Variants in WNT7A observed in about 807,000 individuals in gnomAD.
WNT7A encodes Wnt family member 7A.
In WNT7A, 16 loss-of-function variants were observed where a neutral mutation model predicts 28.2. The ratio of observed to expected loss-of-function variants is 0.57; its 90% CI spans 0.38 to 0.86. The LOEUF is 0.86. WNT7A is among the 40% of genes least tolerant of loss of function. The probability of loss-of-function intolerance (pLI) is 0.00; values close to 1 mark genes in which losing one functional copy is unlikely to be tolerated. For synonymous variants in WNT7A, 190 were observed against 195.9 expected, an observed-to-expected ratio of 0.97 and a Z score of 0.25; for missense variants, 411 against 489.7, an observed-to-expected ratio of 0.84 and a Z score of 1.52.
At chr3:13,873,361 C>A (rs181134694) in intron 2 of WNT7A, among the ~76,000 whole-genome samples, 1 of 151,894 alleles carries the variant, frequency 6.6e-6, no homozygotes, top group Non-Finnish European at 1.5e-5. Flanking sequence ...TCATTTGGGT[C>A]ACTGGTTGCT....
chr3:13,819,131 C>G lies in WNT7A; in HGVS notation c.863G>C (p.Gly288Ala). 6.2e-7 allele frequency: 1 copy of G among 1,614,176 alleles called. No individual in the cohort carries two copies. Among genetic ancestry groups the G allele is most frequent in the Non-Finnish European group, 8.5e-7 (1 of 1,180,040 alleles). ...CTTGTTGCAGGCGCGGCCCTGGGTG[C>G]CCACACTGCCGGTCACCGGGTCCTC... The part of the protein sequence containing the change: ...CEEDPVTGSV[G>A]TQGRACNKTA... Residue 288 changes from glycine to alanine, a missense_variant, in exon 4 of 4, where the codon GGC becomes GCC. Coordinates refer to ENST00000285018, the MANE Select transcript of WNT7A (RefSeq NM_004625.4).
In WNT7A at chr3:13,843,664, G is replaced by A. The variant is rs78090962; in HGVS notation, c.570+10868C>T. On this transcript the variant is annotated intron_variant, in intron 3 of 3. Transcript: ENST00000285018. Reference sequence around the variant, plus strand: ...TACACTGCTCACCTGGAGGAAAGCTGTGAGACTTGGCCAGGAAAAGATGTT... The same window carrying A: ...TACACTGCTCACCTGGAGGAAAGCTATGAGACTTGGCCAGGAAAAGATGTT... Among the ~76,000 whole-genome samples, 41 of 151,092 alleles carry A rather than the reference G, an allele frequency of 2.7e-4. No homozygotes were observed. The East Asian group carries it at 7.8e-3, about 29-fold the overall frequency.
chr3:13,843,028 G>A (rs1694486061), intron 3 of WNT7A, among the ~76,000 whole-genome samples: 1 of 152,132 alleles, frequency 6.6e-6, no homozygotes, highest in South Asian at 2.1e-4. Context: ...GATAAAGGAG[G>A]ACCAGCGTGG....
chr3:13,839,552 G>T (rs1239424774), intron 3 of WNT7A, among the ~76,000 whole-genome samples: 4 of 152,208 alleles, frequency 2.6e-5, no homozygotes, highest in Admixed American at 6.5e-5. Context: ...GCTTAGCAAT[G>T]AACGCTATCA....
At chr3:13,877,199 C>G (rs1302285157) in intron 1 of WNT7A, 3 of 152,262 alleles carry the variant, frequency 2.0e-5, no homozygotes, top group African/African-American at 7.2e-5. Flanking sequence ...CTGCCACAAA[C>G]AGCAGCTCAT....
At chr3:13,851,802 A>G (rs1329974996) in intron 3 of WNT7A, among the ~76,000 whole-genome samples, 1 of 152,308 alleles carries the variant, frequency 6.6e-6, no homozygotes, top group South Asian at 2.1e-4. Flanking sequence ...GATTCCACAC[A>G]TCATACGCTA....
At position 13,818,368 on chromosome 3, in the gene WNT7A, A is replaced by AAAAAAAAAAAAAAAAAAAAAG. The variant is rs1575056906; in HGVS notation, c.*575_*576insCTTTTTTTTTTTTTTTTTTTT. 2.7e-5 allele frequency: 4 copies of AAAAAAAAAAAAAAAAAAAAAG among 150,044 alleles called. No homozygotes were observed. Among genetic ancestry groups the AAAAAAAAAAAAAAAAAAAAAG allele is most frequent in the African/African-American group, 9.9e-5 (4 of 40,606 alleles). 9.3% of individuals were successfully genotyped at this position (150,044 alleles called of 1,614,324 possible). ...GCAAACAGCAAAAAAAAAAAAAAAAATGTGTGTGTGTATATCTATATATGC... is the reference window on the plus strand; with the variant it reads ...GCAAACAGCAAAAAAAAAAAAAAAAAAAAAAAAAAAAAAAAAAAAAGTGTGTGTGTGTATATCTATATATGC... On this transcript the variant is annotated 3_prime_UTR_variant, in exon 4 of 4. Transcript: ENST00000285018.
At chr3:13,825,143 G>C (rs1694173963) in intron 3 of WNT7A, among the ~76,000 whole-genome samples, 2 of 152,240 alleles carry the variant, frequency 1.3e-5, no homozygotes, top group Admixed American at 1.3e-4. Flanking sequence ...AAGAGCAGCT[G>C]TCTCTGGGGA....
chr3:13,860,678 G>A (rs1202529390), intron 2 of WNT7A, among the ~76,000 whole-genome samples: 5 of 152,134 alleles, frequency 3.3e-5, no homozygotes, highest in African/African-American at 4.8e-5. Flanking sequence ...GTCACCTGCT[G>A]TGCCTAACCA....
Position 13,825,039 on chromosome 3 carries a change from C to T in WNT7A, c.571-5616G>A, listed in dbSNP as rs546002432. Reference sequence around the variant, plus strand: ...GCAAAGCAAGGTGTAGAAAGGCTTGCAGCTTGGGAGCTTGTTTGTATGAGA... The same window carrying T: ...GCAAAGCAAGGTGTAGAAAGGCTTGTAGCTTGGGAGCTTGTTTGTATGAGA... On this transcript the variant is annotated intron_variant, in intron 3 of 3. Coordinates refer to ENST00000285018, the MANE Select transcript of WNT7A (RefSeq NM_004625.4). Among the ~76,000 whole-genome samples the T allele has an allele frequency of 2.0e-5, 3 of 152,276 alleles. No individual in the cohort carries two copies. In the East Asian group the frequency reaches 5.8e-4, roughly 29 times the overall value.
intron 3 of WNT7A, among the ~76,000 whole-genome samples, chr3:13,845,042 C>G (rs1694517403): frequency 6.6e-6 from 1 of 152,258 alleles, no homozygotes; most frequent in African/African-American, 2.4e-5. Context: ...GCCCCTGACT[C>G]TACCTCACTT....
intron 2 of WNT7A, among the ~76,000 whole-genome samples, chr3:13,871,181 T>C (rs549103279): frequency 6.6e-6 from 1 of 152,260 alleles, no homozygotes; most frequent in East Asian, 1.9e-4. Flanking sequence ...GGAAAGTTTC[T>C]CTTTAAAGGC....
At position 13,830,111 on chromosome 3, in the gene WNT7A, G is replaced by C. The variant is rs144865425; in HGVS notation, c.571-10688C>G. 1.7e-3 allele frequency among the ~76,000 whole-genome samples: 260 copies of C among 152,120 alleles called. 1 individual carries two copies. Among genetic ancestry groups the C allele is most frequent in the African/African-American group, 5.8e-3 (242 of 41,494 alleles). ...CGCAGCGTCTTCTCCCATCCACATT[G>C]CTGGTACTGCTATCTCCCATGCTCA... On this transcript the variant is annotated intron_variant, in intron 3 of 3. Transcript: ENST00000285018.
intron 3 of WNT7A, among the ~76,000 whole-genome samples, chr3:13,853,427 C>T (rs1172686222): frequency 6.6e-6 from 1 of 152,188 alleles, no homozygotes; most frequent in East Asian, 1.9e-4. Flanking sequence ...CAGGGGTTCC[C>T]TTTTCAGGGC....
intron 3 of WNT7A, among the ~76,000 whole-genome samples, chr3:13,841,377 A>G (rs1694454210): frequency 6.6e-6 from 1 of 152,236 alleles, no homozygotes; most frequent in South Asian, 2.1e-4. Flanking sequence ...AAAGAGAGGA[A>G]GTAGAGCAAG....
In WNT7A at chr3:13,818,808, G is replaced by A; in HGVS notation, c.*136C>T. 7.4e-7 allele frequency: 1 copy of A among 1,346,114 alleles called. No homozygotes were observed. The highest frequency in any genetic ancestry group is 9.8e-7 in the Non-Finnish European group (1 of 1,020,270). The allele number at this position is 1,346,114 out of a possible 1,614,324, so 83.4% of individuals were successfully genotyped here. On this transcript the variant is annotated 3_prime_UTR_variant, in exon 4 of 4. Transcript: ENST00000285018. ...GATTTTTTTTCCCCCACGGATGCCT[G>A]CAGGAAACCCAGGAAAAGTACCCTC...
intron 1 of WNT7A, among the ~76,000 whole-genome samples, chr3:13,877,726 T>C (rs1215946870): frequency 6.6e-6 from 1 of 152,212 alleles, no homozygotes; most frequent in Non-Finnish European, 1.5e-5. Context: ...AAATCAAATG[T>C]GCTAGAACAT....
intron 1 of WNT7A, among the ~76,000 whole-genome samples, chr3:13,879,199 C>T (rs1286878866): frequency 6.6e-6 from 1 of 152,228 alleles, no homozygotes; most frequent in Non-Finnish European, 1.5e-5. Flanking sequence ...CTCCGAGCGG[C>T]GGTTTATGTT....
At position 13,854,702 on chromosome 3, in the gene WNT7A, C is replaced by G. The variant is rs546145028; in HGVS notation, c.400G>C (p.Asp134His). The stretch of plus-strand genomic sequence containing the variant: ...TGGTACTGGCCTTGCTTCTCTTTGT[C>G]GCAGCCACAGTCGCTCAGGTTGCCC... ...TQGNLSDCGC[D>H]KEKQGQYHRD... The change falls in exon 3 of 4, where the codon GAC becomes CAC. Residue 134 changes from aspartate (D) to histidine (H), a missense_variant. By Grantham distance (81) the Asp-to-His change is moderately conservative. Transcript: ENST00000285018. The G allele has an allele frequency of 6.2e-7, 1 of 1,614,156 alleles. No individual in the cohort carries two copies. The highest frequency in any genetic ancestry group is 1.7e-5 in the Admixed American group (1 of 60,032).
Sources: gnomAD v4.1 joint callset for allele counts (sites outside exome capture counted in the v4.1 genomes callset) on GRCh38, gnomAD v4.1.1 for gene constraint, MANE v1.5 for transcripts, NCBI Gene and HGNC (gene_info 2026-07-23, HGNC 2026-07-21) for gene names.